TACC1: variants seen among roughly 807,000 people sequenced by gnomAD.
TACC1 encodes transforming acidic coiled-coil-containing protein 1.
Under a neutral mutation model 84.4 loss-of-function variants are expected in TACC1, and 48 were observed. The observed-to-expected ratio is 0.57, with a 90% CI of 0.45 to 0.72. The LOEUF is 0.72. TACC1 is among the 30% of genes least tolerant of loss of function. The pLI, the probability that TACC1 is intolerant of heterozygous loss-of-function variation, is 0.00. For synonymous variants in TACC1, 372 were observed against 376.3 expected (o/e 0.99, Z 0.13); for missense variants, 920 against 973.0 (o/e 0.95, Z 0.72).
rs769932187 is a variant in TACC1 at position 38,831,131 on chromosome 8, A to G, written c.1667A>G (p.Glu556Gly). Residue 556 changes from glutamate (E) to glycine (G), a missense_variant, in exon 6 of 13, where the codon GAG becomes GGG. This residue lies in a region of TACC1 where 762 missense variants were observed against 747.3 expected (regional missense o/e 1.02). Transcript: ENST00000317827. ...AAATGACTTTCTGTCTTAGGCATAGAGAAGGAGACGTGCCAGAAGATGGAA... is the reference window on the plus strand; with the variant it reads ...AAATGACTTTCTGTCTTAGGCATAGGGAAGGAGACGTGCCAGAAGATGGAA... Reference protein sequence around the residue: ...HAFSSSEAGIEKETCQKMEED... With the variant: ...HAFSSSEAGIGKETCQKMEED... 4.3e-6 allele frequency: 7 copies of G among 1,614,228 alleles called. No homozygotes were observed. In the East Asian group the frequency reaches 1.3e-4, roughly 31 times the overall value.
At chr8:38,788,549 G>T in intron 1 of TACC1, 155 bp from the exon 2 acceptor site, 1 of 587,226 alleles carries the variant, frequency 1.7e-6, no homozygotes. Flanking sequence ...CTCAGAGACC[G>T]CAGTTGCCTC....
chr8:38,765,314 A>T (rs946327958), intron 3 of TACC1, among the ~76,000 whole-genome samples: 2 of 152,156 alleles, frequency 1.3e-5, no homozygotes, highest in African/African-American at 4.8e-5. Context: ...TATGGAGTAC[A>T]TACCTGTCCC....
chr8:38,827,134 T>C, intron 4 of TACC1, 34 bp from the exon 5 acceptor site: 13 of 1,597,614 alleles, frequency 8.1e-6, no homozygotes, highest in Non-Finnish European at 1.0e-5. Context: ...CTTGCCCTCC[T>C]AAAGGGTAGC....
At chr8:38,777,478 T>C (rs971228755) in intron 3 of TACC1, among the ~76,000 whole-genome samples, 2 of 152,316 alleles carry the variant, frequency 1.3e-5, no homozygotes, top group Admixed American at 6.5e-5. Flanking sequence ...TGCAGTTTTC[T>C]TTTTAAAGAC....
At chr8:38,730,835 CTAAGAA>C (rs1249378777) in intron 1 of TACC1, among the ~76,000 whole-genome samples, 1 of 152,232 alleles carries the variant, frequency 6.6e-6, no homozygotes, top group Non-Finnish European at 1.5e-5. Context: ...AAGAGTGCTC[CTAAGAA>C]TAAGTGGAGT....
chr8:38,765,232 T>A (rs958869239), intron 3 of TACC1, among the ~76,000 whole-genome samples: 4 of 151,960 alleles, frequency 2.6e-5, no homozygotes, highest in African/African-American at 9.7e-5. Context: ...CCAACAAGAG[T>A]TTCTTCCTCC....
chr8:38,733,303 C>CT (rs113616267), intron 1 of TACC1, among the ~76,000 whole-genome samples: 20,191 of 146,118 alleles, frequency 0.14, 1,412 homozygotes, highest in African/African-American at 0.15. Context: ...AATTGATCCT[C>CT]TTTTTTTTTT....
At chr8:38,819,460 A>G in intron 2 of TACC1, 62 bp from the exon 3 acceptor site, 2 of 1,511,352 alleles carry the variant, frequency 1.3e-6, no homozygotes, top group South Asian at 2.7e-5. Flanking sequence ...AATTCAGGTA[A>G]GAGAGGATAC....
At chr8:38,795,770 T>G (rs557841093) in intron 2 of TACC1, among the ~76,000 whole-genome samples, 1 of 152,210 alleles carries the variant, frequency 6.6e-6, no homozygotes, top group Non-Finnish European at 1.5e-5. Flanking sequence ...TAGAAAGGCT[T>G]TGCTACTTGT....
At position 38,849,357 on chromosome 8, in the gene TACC1, T is replaced by C. The variant is rs1832804703; in HGVS notation, c.*1334T>C. ...GAGTGGTGGGCCATTAACCCCAACA[T>C]GGAATTTTTCCATATAAATCTCAAT... On this transcript the variant is annotated 3_prime_UTR_variant, in exon 13 of 13. Coordinates refer to ENST00000317827, the MANE Select transcript of TACC1 (RefSeq NM_006283.3). 1 of 152,264 alleles carries C rather than the reference T, an allele frequency of 6.6e-6. No homozygotes were observed. The allele number at this position is 152,264 out of a possible 1,614,324, so 9.4% of individuals were successfully genotyped here. A position where few individuals can be genotyped will look rare whatever the true frequency, so the allele number is the denominator to read the frequency against.
chr8:38,820,770 C>T (rs1437469656), intron 3 of TACC1, 135 bp downstream of exon 3: 6 of 1,219,382 alleles, frequency 4.9e-6, no homozygotes, highest in Non-Finnish European at 6.8e-6. Context: ...ATAATGTTAT[C>T]CTGCAGTCTT....
chr8:38,772,685 C>T (rs1234980963), intron 3 of TACC1, among the ~76,000 whole-genome samples: 2 of 152,036 alleles, frequency 1.3e-5, no homozygotes, highest in African/African-American at 4.8e-5. Context: ...AAATACTCAC[C>T]TCTAGCAAAA....
rs1334909760 is a variant in TACC1, at chr8:38,852,878, T to C, written c.*4855T>C. ...TATCAGGATTGTGTTGTGTGGAATA[T>C]TCATCTACATAAATTTTATATGCAC... On this transcript the variant is annotated 3_prime_UTR_variant, in exon 13 of 13. Coordinates refer to ENST00000317827, the MANE Select transcript of TACC1 (RefSeq NM_006283.3). 1 of 152,664 alleles carries C rather than the reference T, an allele frequency of 6.6e-6. No individual in the cohort carries two copies. The highest frequency in any genetic ancestry group is 6.5e-5 in the Admixed American group (1 of 15,284). The allele number at this position is 152,664 out of a possible 1,614,324, so 9.5% of individuals were successfully genotyped here. A position where few individuals can be genotyped will look rare whatever the true frequency, so the allele number is the denominator to read the frequency against.
Position 38,819,934 on chromosome 8 carries a change from G to A in TACC1, c.690G>A (p.Leu230=). ...PELVPSRRSK[L]RKPKPVPLRK... ...TTGTGCCCAGCAGAAGAAGCAAGCTGAGAAAGCCCAAGCCTGTCCCCCTGA... is the reference window on the plus strand; with the variant it reads ...TTGTGCCCAGCAGAAGAAGCAAGCTAAGAAAGCCCAAGCCTGTCCCCCTGA... The change falls in exon 3 of 13, where the codon CTG becomes CTA. Residue 230 remains leucine, a synonymous_variant. Transcript: ENST00000317827. 1 of 1,614,166 alleles carries A rather than the reference G, an allele frequency of 6.2e-7. No homozygotes were observed. The highest frequency in any genetic ancestry group is 8.5e-7 in the Non-Finnish European group (1 of 1,180,054).
At chr8:38,798,268 G>A (rs184217291) in intron 2 of TACC1, among the ~76,000 whole-genome samples, 16 of 152,072 alleles carry the variant, frequency 1.1e-4, no homozygotes, top group African/African-American at 1.7e-4. Context: ...GACTACAGGC[G>A]TGTACCACTA....
chr8:38,788,675 G>T, intron 1 of TACC1, 29 bp from the exon 2 acceptor site: 1 of 1,518,804 alleles, frequency 6.6e-7, no homozygotes, highest in South Asian at 1.1e-5. Flanking sequence ...CGTTGAAAGT[G>T]GTAATTCCTC....
At chr8:38,747,368 A>T (rs924112545) in intron 3 of TACC1, among the ~76,000 whole-genome samples, 1 of 152,188 alleles carries the variant, frequency 6.6e-6, no homozygotes, top group African/African-American at 2.4e-5. Context: ...TACCCAAATG[A>T]GCTGAAAACT....
At position 38,750,777 on chromosome 8, in the gene TACC1, C is replaced by T. The variant is rs181706143; in HGVS notation, c.26+5284C>T. ...GACCTGTAGGCTGAAAACAATAAAA[C>T]ATGACAGGAAGATCTGCATAAATGA... is the stretch of plus-strand genomic sequence containing the variant. On this transcript the variant is annotated intron_variant, in intron 3 of 14. Transcript: ENST00000518415. Among the ~76,000 whole-genome samples the T allele has an allele frequency of 3.3e-5, 5 of 152,278 alleles. No individual in the cohort carries two copies. In the East Asian group the frequency reaches 5.8e-4, roughly 18 times the overall value.
chr8:38,823,811 C>G (rs1441314728), intron 3 of TACC1, among the ~76,000 whole-genome samples: 1 of 152,198 alleles, frequency 6.6e-6, no homozygotes, highest in African/African-American at 2.4e-5. Flanking sequence ...GTCTGTTCAT[C>G]ATTCACTCAC....
Sources: gnomAD v4.1 joint callset for allele counts (sites outside exome capture counted in the v4.1 genomes callset) on GRCh38, gnomAD v4.1.1 for gene constraint, gnomAD v4.1.1 regional missense constraint, MANE v1.5 for transcripts, NCBI Gene and HGNC (gene_info 2026-07-23, HGNC 2026-07-21) for gene names.